The following SPIDR variants were observed in gnomAD, a reference collection of about 807,000 sequenced individuals.
SPIDR encodes the protein DNA repair-scaffolding protein.
In SPIDR, 93 loss-of-function variants were observed where a neutral mutation model predicts 104.6. That is an observed-to-expected ratio of 0.89 (90% CI 0.75 to 1.06). The LOEUF (loss-of-function observed/expected upper bound fraction) is 1.06. Among genes scored for constraint, SPIDR ranks in the 50% least tolerant of loss-of-function variants. The pLI is 0.00. For synonymous variants in SPIDR, 431 were observed against 416.9 expected (o/e 1.03, Z -0.41); for missense variants, 1,154 against 1,111.2 (o/e 1.04, Z -0.55).
intron 10 of SPIDR, among the ~76,000 whole-genome samples, chr8:47,619,537 C>T (rs2064833043): frequency 6.6e-6 from 1 of 152,042 alleles, no homozygotes; most frequent in African/African-American, 2.4e-5. Context: ...CGCTTCCTCT[C>T]AGGGTCATGT....
chr8:47,563,160 T>C (rs1337539281), intron 8 of SPIDR, among the ~76,000 whole-genome samples: 1 of 151,686 alleles, frequency 6.6e-6, no homozygotes, highest in African/African-American at 2.4e-5. Flanking sequence ...GCAGCTCAGA[T>C]CACACAGGCC....
intron 5 of SPIDR, among the ~76,000 whole-genome samples, chr8:47,321,270 A>G (rs996722133): frequency 2.0e-5 from 3 of 152,216 alleles, no homozygotes; most frequent in Non-Finnish European, 4.4e-5. Context: ...ATCAATGTGC[A>G]AAAATCACAA....
chr8:47,404,701 A>C (rs2062468015), intron 6 of SPIDR, among the ~76,000 whole-genome samples: 1 of 152,108 alleles, frequency 6.6e-6, no homozygotes, highest in Non-Finnish European at 1.5e-5. Flanking sequence ...TCAGGAAACA[A>C]CGGGTGCTGG....
At chr8:47,677,971 A>G (rs1157031860) in intron 11 of SPIDR, among the ~76,000 whole-genome samples, 16 of 152,006 alleles carry the variant, frequency 1.1e-4, no homozygotes, top group Admixed American at 5.2e-4. Flanking sequence ...TGGGATGCCA[A>G]GACGGGCAGA....
chr8:47,357,401 C>T (rs979042233), intron 5 of SPIDR, among the ~76,000 whole-genome samples: 8 of 152,202 alleles, frequency 5.3e-5, no homozygotes, highest in Non-Finnish European at 1.0e-4. Context: ...CAGCACTCTG[C>T]CCTGCTCAGT....
intron 3 of SPIDR, among the ~76,000 whole-genome samples, chr8:47,289,171 C>G (rs919852625): frequency 2.6e-5 from 4 of 152,028 alleles, no homozygotes; most frequent in Non-Finnish European, 5.9e-5. Context: ...CCACTGTGCC[C>G]AGCTAATTTT....
Position 47,293,922 on chromosome 8 carries a change from C to T in SPIDR, c.417C>T (p.Asp139=), listed in dbSNP as rs1388759667. 8.7e-6 allele frequency: 14 copies of T among 1,613,982 alleles called. No homozygotes were observed. The highest frequency in any genetic ancestry group is 1.1e-5 in the South Asian group (1 of 91,094). Residue 139 remains aspartate (D), a synonymous_variant, in exon 5 of 20, where the codon GAC becomes GAT. Coordinates refer to ENST00000297423, the MANE Select transcript of SPIDR (RefSeq NM_001080394.4). The stretch of plus-strand genomic sequence containing the variant: ...ACAGTGACAGGGCAGAGGCTAGTGA[C>T]TGTGATGAATTTGAAGATGACGAGG... ...EIDSDRAEAS[D]CDEFEDDEGA...
At chr8:47,474,256 A>C (rs1160779345) in intron 8 of SPIDR, among the ~76,000 whole-genome samples, 1 of 152,258 alleles carries the variant, frequency 6.6e-6, no homozygotes, top group African/African-American at 2.4e-5. Flanking sequence ...TATAGTTCTC[A>C]TAAAATAGGT....
chr8:47,419,716 G>A (rs1356352198), intron 7 of SPIDR, among the ~76,000 whole-genome samples: 1 of 152,112 alleles, frequency 6.6e-6, no homozygotes. Flanking sequence ...ATGTTAGGGT[G>A]TTAATTTTAG....
chr8:47,667,646 CAT>C (rs1027293005), intron 10 of SPIDR: 7 of 151,894 alleles, frequency 4.6e-5, no homozygotes, highest in African/African-American at 1.7e-4. Context: ...AAATTAATGA[CAT>C]AAACAGTGAC....
intron 5 of SPIDR, among the ~76,000 whole-genome samples, chr8:47,376,440 G>A (rs1436679434): frequency 1.3e-5 from 2 of 152,190 alleles, no homozygotes; most frequent in Non-Finnish European, 1.5e-5. Flanking sequence ...GTCATGTCAT[G>A]CCCAGCCTTC....
intron 8 of SPIDR, among the ~76,000 whole-genome samples, chr8:47,457,638 G>T (rs2073212151): frequency 6.6e-6 from 1 of 152,024 alleles, no homozygotes; most frequent in Non-Finnish European, 1.5e-5. Context: ...ATTTGCTTTT[G>T]GGTTCTTGGT....
chr8:47,569,365 AAAG>A (rs754910779), intron 8 of SPIDR, among the ~76,000 whole-genome samples: 4 of 152,234 alleles, frequency 2.6e-5, no homozygotes, highest in Non-Finnish European at 5.9e-5. Context: ...GAACAACTAG[AAAG>A]AAGATCAGTA....
intron 5 of SPIDR, among the ~76,000 whole-genome samples, chr8:47,390,079 C>T (rs910696073): frequency 6.6e-6 from 1 of 152,110 alleles, no homozygotes; most frequent in African/African-American, 2.4e-5. Context: ...AGAGATAAAA[C>T]ATTTCACACC....
At chr8:47,673,324 A>G in intron 10 of SPIDR, 1 of 442,228 alleles carries the variant, frequency 2.3e-6, no homozygotes, top group Admixed American at 2.4e-5. Flanking sequence ...ACTGTCGCAG[A>G]GAATGCCTCT....
chr8:47,291,636 A>T (rs2039923607), intron 4 of SPIDR, among the ~76,000 whole-genome samples: 1 of 152,198 alleles, frequency 6.6e-6, no homozygotes, highest in East Asian at 1.9e-4. Context: ...ACTCTAAGAG[A>T]TAGGTATTAC....
At chr8:47,419,197 C>T (rs2064955004) in intron 7 of SPIDR, 1 of 152,236 alleles carries the variant, frequency 6.6e-6, no homozygotes, top group Non-Finnish European at 1.5e-5. Context: ...GGAAAGATAC[C>T]AGCTCCTCCT....
At chr8:47,313,140 A>G (rs2044551451) in intron 5 of SPIDR, among the ~76,000 whole-genome samples, 1 of 152,216 alleles carries the variant, frequency 6.6e-6, no homozygotes, top group South Asian at 2.1e-4. Flanking sequence ...TGCAGATGAC[A>G]TGATTGCATA....
chr8:47,293,968 T>A lies in SPIDR; in HGVS notation c.463T>A (p.Cys155Ser). 1.2e-6 allele frequency: 2 copies of A among 1,614,192 alleles called. No individual in the cohort carries two copies. The highest frequency in any genetic ancestry group is 1.7e-6 in the Non-Finnish European group (2 of 1,180,024). ...CGAGGGTGCTGTGGAAATCTCAGAC[T>A]GTGCTTCTTGTGCAAGTAATCAGTC... ...DDEGAVEISDCASCASNQSLT... is the reference protein window; with the variant it reads ...DDEGAVEISDSASCASNQSLT... Residue 155 changes from cysteine to serine, a missense_variant, in exon 5 of 20, where the codon TGT becomes AGT. Coordinates refer to ENST00000297423, the MANE Select transcript of SPIDR (RefSeq NM_001080394.4).
Sources: gnomAD v4.1 joint callset for allele counts (sites outside exome capture counted in the v4.1 genomes callset) on GRCh38, gnomAD v4.1.1 for gene constraint, MANE v1.5 for transcripts, NCBI Gene and HGNC (gene_info 2026-07-23, HGNC 2026-07-21) for gene names.